Variants in FNDC8 observed in about 807,000 individuals in gnomAD.
The protein encoded by FNDC8 is fibronectin type III domain containing 8.
FNDC8 carries 23 observed loss-of-function variants against 24.8 expected under a neutral mutation model. That is an observed-to-expected ratio of 0.93 (90% CI 0.67 to 1.31). The LOEUF (loss-of-function observed/expected upper bound fraction) is 1.31. FNDC8 is among the 40% of genes most tolerant of loss of function. The pLI is 0.00. For missense variants in FNDC8, 371 were observed against 398.2 expected, an observed-to-expected ratio of 0.93 and a Z score of 0.58; for synonymous variants, 158 against 165.3, an observed-to-expected ratio of 0.96 and a Z score of 0.34.
chr17:35,125,662 G>A (rs566761190), intron 1 of FNDC8, among the ~76,000 whole-genome samples: 1 of 152,252 alleles, frequency 6.6e-6, no homozygotes, highest in South Asian at 2.1e-4. Context: ...GACACACATT[G>A]AGTAATAAAT....
At chr17:35,122,210 A>AGT (rs550722060) in intron 1 of FNDC8, among the ~76,000 whole-genome samples, 1 of 44,800 alleles carries the variant, frequency 2.2e-5, no homozygotes, top group Non-Finnish European at 4.3e-5. Flanking sequence ...ATATATATAA[A>AGT]TTTTTTTTTT....
intron 1 of FNDC8, among the ~76,000 whole-genome samples, chr17:35,126,643 C>T (rs2091850393): frequency 6.6e-6 from 1 of 151,840 alleles, no homozygotes; most frequent in Admixed American, 6.6e-5. Context: ...GCTAGGATTA[C>T]AGGTGCCAAC....
At chr17:35,129,767 A>G (rs1289058083) in intron 3 of FNDC8, 109 bp downstream of exon 3, 1 of 1,478,392 alleles carries the variant, frequency 6.8e-7, no homozygotes, top group Non-Finnish European at 9.0e-7. Context: ...TCATCTGGCT[A>G]GCTTTCCTTC....
Position 35,127,029 on chromosome 17 carries a change from C to G in FNDC8, c.210-13C>G. 6.4e-7 allele frequency: 1 copy of G among 1,564,760 alleles called. No individual in the cohort carries two copies. Among genetic ancestry groups the G allele is most frequent in the African/African-American group, 1.4e-5 (1 of 73,798 alleles). On this transcript the variant is annotated splice_polypyrimidine_tract_variant and intron_variant, in intron 1 of 3. Transcript: ENST00000158009. ...TCCTTCATCTGATTCACCTGTCTCC[C>G]CTTTTGCTCCAGGAAGCCGCTGCCA...
At chr17:35,129,854 T>C (rs771371122) in intron 3 of FNDC8, 196 bp downstream of exon 3, 102 of 1,424,038 alleles carry the variant, frequency 7.2e-5, no homozygotes, top group Non-Finnish European at 9.0e-5. Context: ...TGGGGCCCAC[T>C]AGGAATGCAA....
chr17:35,123,032 A>C (rs1488201928), intron 1 of FNDC8, among the ~76,000 whole-genome samples: 1 of 152,130 alleles, frequency 6.6e-6, no homozygotes, highest in Non-Finnish European at 1.5e-5. Context: ...CCAAGGAAGG[A>C]AAGGAGTTAG....
At chr17:35,130,059 G>A (rs2091867138) in intron 3 of FNDC8, 4 of 1,411,314 alleles carry the variant, frequency 2.8e-6, no homozygotes, top group Non-Finnish European at 3.7e-6. Context: ...GGGGTATAGA[G>A]GCCTGAGTAC....
Position 35,127,131 on chromosome 17 carries a change from T to C in FNDC8, c.299T>C (p.Leu100Ser), listed in dbSNP as rs1567740112. The C allele has an allele frequency of 1.9e-6, 3 of 1,614,186 alleles. No homozygotes were observed. The highest frequency in any genetic ancestry group is 1.7e-6 in the Non-Finnish European group (2 of 1,180,014). Residue 100 changes from leucine (L) to serine (S), a missense_variant, in exon 2 of 4, where the codon TTA becomes TCA. By Grantham distance (145) the Leu-to-Ser change is moderately radical. Coordinates refer to ENST00000158009, the MANE Select transcript of FNDC8 (RefSeq NM_017559.4). ...TCCACCTTGCTGAACCCCATCAAAT[T>C]AGCTGTGACCCAGCCCAACAGCAGC... ...FSSTLLNPIK[L>S]AVTQPNSSFF...
chr17:35,122,944 C>A (rs748455318), intron 1 of FNDC8, among the ~76,000 whole-genome samples: 3 of 152,082 alleles, frequency 2.0e-5, no homozygotes, highest in Non-Finnish European at 2.9e-5. Flanking sequence ...CTTGAGGGAC[C>A]AGAGGGGCTT....
At position 35,129,474 on chromosome 17, in the gene FNDC8, T is replaced by G; in HGVS notation, c.638T>G (p.Leu213Arg). 1 of 1,614,192 alleles carries G rather than the reference T, an allele frequency of 6.2e-7. No homozygotes were observed. Among genetic ancestry groups the G allele is most frequent in the Non-Finnish European group, 8.5e-7 (1 of 1,180,036 alleles). Residue 213 changes from leucine (L) to arginine (R), a missense_variant, in exon 3 of 4, where the codon CTG (leucine) becomes CGG (arginine). Physicochemically the swap from Leu to Arg is moderately radical, Grantham distance 102. Transcript: ENST00000158009. ...CAGCCGGTCAGTTTCTACCAGCTCC[T>G]GTTACAGGAGGTGGCCAAGACACAG... ...GKQPVSFYQLLLQEVAKTQEN... is the reference protein window; with the variant it reads ...GKQPVSFYQLRLQEVAKTQEN...
chr17:35,129,472 CCT>C lies in FNDC8; in HGVS notation c.637_638del (p.Leu213ValfsTer11). The C allele has an allele frequency of 6.2e-7, 1 of 1,614,202 alleles. No homozygotes were observed. The highest frequency in any genetic ancestry group is 1.1e-5 in the South Asian group (1 of 91,080). ...GKQPVSFYQL[L>X]LQEVAKTQEN... ...AGCAGCCGGTCAGTTTCTACCAGCT[CCT>C]GTTACAGGAGGTGGCCAAGACACAG... On this transcript the variant is annotated frameshift_variant, in exon 3 of 4. Coordinates refer to ENST00000158009, the MANE Select transcript of FNDC8 (RefSeq NM_017559.4). LOFTEE classifies it high-confidence loss of function.
chr17:35,126,918 G>C (rs781252371), intron 1 of FNDC8, 124 bp from the exon 2 acceptor site: 8 of 1,189,442 alleles, frequency 6.7e-6, no homozygotes, highest in South Asian at 3.1e-5. Flanking sequence ...GAGCAATGAG[G>C]CTGTTCCAAG....
In FNDC8 at chr17:35,130,411, C is replaced by T. The variant is rs762728015; in HGVS notation, c.952C>T (p.Leu318=). Residue 318 remains leucine (L), a synonymous_variant, in exon 4 of 4, where the codon CTG becomes TTG. Coordinates refer to ENST00000158009, the MANE Select transcript of FNDC8 (RefSeq NM_017559.4). Reference sequence around the variant, plus strand: ...GGAGGAGATGCGGAGGCTGGAGGATCTGGAATACCTATTTCCCTGTTAAGG... The same window carrying T: ...GGAGGAGATGCGGAGGCTGGAGGATTTGGAATACCTATTTCCCTGTTAAGG... ...GPEEMRRLED[L]EYLFPC 1 of 1,614,020 alleles carries T rather than the reference C, an allele frequency of 6.2e-7. No homozygotes were observed.
At chr17:35,129,232 G>A in intron 2 of FNDC8, 190 bp from the exon 3 acceptor site, 1 of 705,998 alleles carries the variant, frequency 1.4e-6, no homozygotes, top group Non-Finnish European at 2.4e-6. Context: ...CTGCCCAGGA[G>A]AGTAGTACAT....
At position 35,129,435 on chromosome 17, in the gene FNDC8, A is replaced by T; in HGVS notation, c.599A>T (p.Tyr200Phe). The change falls in exon 3 of 4, where the codon TAC becomes TTC. Residue 200 changes from tyrosine (Y) to phenylalanine (F), a missense_variant. Coordinates refer to ENST00000158009, the MANE Select transcript of FNDC8 (RefSeq NM_017559.4). The stretch of plus-strand genomic sequence containing the variant: ...CTCTTCCCCTAGATTTCCTGGACCT[A>T]CGCCTTGGGCAAGCAGCCGGTCAGT... ...NNSTAVISWT[Y>F]ALGKQPVSFY... 2 of 1,613,974 alleles carry T rather than the reference A, an allele frequency of 1.2e-6. No homozygotes were observed. Among genetic ancestry groups the T allele is most frequent in the Non-Finnish European group, 1.7e-6 (2 of 1,179,820 alleles).
In FNDC8 at chr17:35,129,668, G is replaced by A; in HGVS notation, c.822+10G>A. On this transcript the variant is annotated intron_variant, in intron 3 of 3. Transcript: ENST00000158009. ...GTGCAAGCCCTACAAAGTGAGCCCTGGGAAAAGAGGGGCCTTGGGGGTGGA... is the reference window on the plus strand; with the variant it reads ...GTGCAAGCCCTACAAAGTGAGCCCTAGGAAAAGAGGGGCCTTGGGGGTGGA... The A allele has an allele frequency of 6.2e-7, 1 of 1,611,896 alleles. No individual in the cohort carries two copies. Among genetic ancestry groups the A allele is most frequent in the Non-Finnish European group, 8.5e-7 (1 of 1,179,246 alleles).
chr17:35,130,147 C>T (rs1174124438), intron 3 of FNDC8, 135 bp from the exon 4 acceptor site: 19 of 1,452,218 alleles, frequency 1.3e-5, no homozygotes, highest in South Asian at 2.9e-5. Context: ...CTGTTTCCTG[C>T]GTCAATGGCT....
At chr17:35,124,698 A>C (rs1316012407) in intron 1 of FNDC8, among the ~76,000 whole-genome samples, 1 of 152,228 alleles carries the variant, frequency 6.6e-6, no homozygotes, top group Non-Finnish European at 1.5e-5. Context: ...AAAGGTAAAA[A>C]AAGATTTGAA....
Position 35,121,682 on chromosome 17 carries a change from C to G in FNDC8, c.-12C>G. Reference sequence around the variant, plus strand: ...TCCTGCATGGTGACGGGTGTCATCCCGAACAAATCAGATGGCATCAGAGGC... The same window carrying G: ...TCCTGCATGGTGACGGGTGTCATCCGGAACAAATCAGATGGCATCAGAGGC... On this transcript the variant is annotated 5_prime_UTR_variant, in exon 1 of 4. Transcript: ENST00000158009. 1 of 1,613,672 alleles carries G rather than the reference C, an allele frequency of 6.2e-7. No individual in the cohort carries two copies. The highest frequency in any genetic ancestry group is 1.7e-5 in the Admixed American group (1 of 60,006).
Sources: allele counts gnomAD v4.1 joint callset (sites outside exome capture counted in the v4.1 genomes callset), GRCh38; gene constraint gnomAD v4.1.1; transcripts MANE v1.5; gene names NCBI Gene and HGNC (gene_info 2026-07-23, HGNC 2026-07-21).